The following QRICH1 variants were observed in gnomAD, a reference collection of about 807,000 sequenced individuals.
QRICH1 encodes glutamine rich 1, also known as transcriptional regulator QRICH1.
Under a neutral mutation model 87.1 loss-of-function variants are expected in QRICH1, and 16 were observed. The observed-to-expected ratio is 0.18, with a 90% CI of 0.12 to 0.28. QRICH1 has a LOEUF of 0.28. QRICH1 is among the 10% of genes least tolerant of loss of function. The probability of loss-of-function intolerance (pLI) is 1.00; values close to 1 mark genes in which losing one functional copy is unlikely to be tolerated. For synonymous variants in QRICH1, 367 were observed against 368.4 expected, an observed-to-expected ratio of 1.00 and a Z score of 0.05; for missense variants, 647 against 951.7, an observed-to-expected ratio of 0.68 and a Z score of 4.21.
At chr3:49,081,697 T>C (rs766014600) in intron 1 of QRICH1, among the ~76,000 whole-genome samples, 1 of 152,154 alleles carries the variant, frequency 6.6e-6, no homozygotes. Flanking sequence ...GACAGGGTTT[T>C]GCCATGTTGC....
intron 2 of QRICH1, among the ~76,000 whole-genome samples, chr3:49,061,120 G>A (rs1008049941): frequency 8.6e-6 from 1 of 116,034 alleles, no homozygotes; most frequent in Admixed American, 1.2e-4. Context: ...GGGTGACAGA[G>A]TGAGCCTCCA....
rs145294678 is a variant in QRICH1, at chr3:49,047,248, T to G, written c.1339-2A>C. Reference sequence around the variant, plus strand: ...TTCAGCAACCTGGACAGTTTGAGCCTATAGGAGAGAAACCATGAAAATGTG... The same window carrying G: ...TTCAGCAACCTGGACAGTTTGAGCCGATAGGAGAGAAACCATGAAAATGTG... On this transcript the variant is annotated splice_acceptor_variant, in intron 3 of 9. Transcript: ENST00000395443. LOFTEE classifies it high-confidence loss of function. 6.2e-7 allele frequency: 1 copy of G among 1,602,184 alleles called. No individual in the cohort carries two copies. The highest frequency in any genetic ancestry group is 2.2e-5 in the East Asian group (1 of 44,678).
intron 1 of QRICH1, among the ~76,000 whole-genome samples, chr3:49,084,518 T>C (rs1023755358): frequency 6.6e-6 from 1 of 152,096 alleles, no homozygotes; most frequent in Non-Finnish European, 1.5e-5. Flanking sequence ...TCTCCCAAAG[T>C]GCTAGGATTA....
intron 2 of QRICH1, 189 bp from the exon 3 acceptor site, chr3:49,058,079 T>C (rs2093413642): frequency 2.0e-6 from 2 of 985,246 alleles, no homozygotes; most frequent in South Asian, 1.7e-5. Flanking sequence ...CACATTACAA[T>C]AACAGGGACA....
At chr3:49,069,542 A>ATT (rs1207477854) in intron 2 of QRICH1, among the ~76,000 whole-genome samples, 25 of 109,314 alleles carry the variant, frequency 2.3e-4, no homozygotes, top group Non-Finnish European at 3.8e-4. Flanking sequence ...CATGGGGGGG[A>ATT]ATTTTTTTTT....
chr3:49,054,405 C>T (rs1293589067), intron 3 of QRICH1, among the ~76,000 whole-genome samples: 1 of 152,176 alleles, frequency 6.6e-6, no homozygotes. Context: ...TACCACAAAT[C>T]TAGGAAATTC....
At chr3:49,042,425 T>C (rs1275059497) in intron 6 of QRICH1, among the ~76,000 whole-genome samples, 1 of 152,042 alleles carries the variant, frequency 6.6e-6, no homozygotes, top group Non-Finnish European at 1.5e-5. Context: ...CTTAAAGGCA[T>C]ATTGCTAAAT....
chr3:49,046,677 C>G (rs2093341240), intron 4 of QRICH1, 98 bp from the exon 5 acceptor site: 12 of 1,313,558 alleles, frequency 9.1e-6, no homozygotes, highest in Non-Finnish European at 1.3e-5. Flanking sequence ...GATAGAAATG[C>G]TCACTTGTAT....
rs1214489329 is a variant in QRICH1, at chr3:49,056,933, G to T, written c.1267C>A (p.Gln423Lys). ...VHIWDPQQQP[Q>K]QQTPQEQTPP... ...GTCTGTTCCTGGGGAGTTTGCTGCT[G>T]CGGCTGCTGTTGGGGGTCCCATATA... The change falls in exon 3 of 10, where the codon CAG becomes AAG. Residue 423 changes from glutamine to lysine, a missense_variant. Gln to Lys is a moderately conservative substitution (Grantham distance 53). Around this residue, in one of 7 missense-constraint regions of QRICH1, gnomAD observed 115 missense variants for 126.8 expected, o/e 0.91. Coordinates refer to ENST00000395443, the MANE Select transcript of QRICH1 (RefSeq NM_198880.3). The T allele has an allele frequency of 1.2e-6, 2 of 1,614,060 alleles. No homozygotes were observed.
chr3:49,057,303 C>T lies in QRICH1; in HGVS notation c.897G>A (p.Gly299=). The change falls in exon 3 of 10, where the codon GGG becomes GGA. Residue 299 remains glycine (G), a synonymous_variant. Transcript: ENST00000395443. The surrounding 1 kb of genome is among the most constrained non-coding windows in gnomAD (Gnocchi z 5.4). The part of the protein sequence containing the change: ...VDSAHLYSAT[G]TITSPTGETW... Reference sequence around the variant, plus strand: ...TTTCTCCTGTAGGGCTAGTAATGGTCCCAGTGGCACTGTACAGGTGGGCAC... The same window carrying T: ...TTTCTCCTGTAGGGCTAGTAATGGTTCCAGTGGCACTGTACAGGTGGGCAC... 1 of 1,614,178 alleles carries T rather than the reference C, an allele frequency of 6.2e-7. No individual in the cohort carries two copies. The highest frequency in any genetic ancestry group is 1.3e-5 in the African/African-American group (1 of 75,056).
intron 2 of QRICH1, among the ~76,000 whole-genome samples, chr3:49,072,999 G>C (rs2041872576): frequency 6.6e-6 from 1 of 151,782 alleles, no homozygotes; most frequent in South Asian, 2.1e-4. Flanking sequence ...CCATGATCAT[G>C]TCACAGCACT....
intron 1 of QRICH1, among the ~76,000 whole-genome samples, chr3:49,087,818 C>CAAAAAAGAAAA (rs2042195618): frequency 2.1e-5 from 1 of 47,676 alleles, no homozygotes; most frequent in Non-Finnish European, 3.4e-5. Context: ...AGGTTCATCT[C>CAAAAAAGAAAA]AAAAAAAAAA....
Position 49,057,398 on chromosome 3 carries a change from C to G in QRICH1, c.802G>C (p.Val268Leu). Residue 268 changes from valine to leucine, a missense_variant, in exon 3 of 10, where the codon GTG (valine) becomes CTG (leucine). By Grantham distance (32) the Val-to-Leu change is conservative. Around this residue, in one of 7 missense-constraint regions of QRICH1, gnomAD observed 75 missense variants for 141.0 expected, o/e 0.53. Transcript: ENST00000395443. This position sits in a 1 kb window ranked among gnomAD's most constrained non-coding sequence, Gnocchi z 5.4. ...TGCTGGCCCTGTGGAATGGCCAGCA[C>G]GGTGGCCACCGGCTGCCCTGAGATG... The part of the protein sequence containing the change: ...YAISGQPVAT[V>L]LAIPQGQQQS... 6.2e-7 allele frequency: 1 copy of G among 1,614,160 alleles called. No individual in the cohort carries two copies. The highest frequency in any genetic ancestry group is 8.5e-7 in the Non-Finnish European group (1 of 1,180,032).
intron 9 of QRICH1, among the ~76,000 whole-genome samples, chr3:49,030,979 C>T (rs1398405499): frequency 1.3e-5 from 2 of 151,258 alleles, no homozygotes; most frequent in Non-Finnish European, 2.9e-5. Flanking sequence ...CGTCTATCTC[C>T]AAGTCTTTGC....
intron 1 of QRICH1, among the ~76,000 whole-genome samples, chr3:49,087,876 T>C (rs1215579115): frequency 7.1e-6 from 1 of 141,568 alleles, no homozygotes; most frequent in Non-Finnish European, 1.5e-5. Flanking sequence ...AATAACTCCA[T>C]ATGTTTATAA....
chr3:49,053,486 C>CAAAAAAAA (rs11417565), intron 3 of QRICH1, among the ~76,000 whole-genome samples: 3 of 112,916 alleles, frequency 2.7e-5, no homozygotes, highest in Non-Finnish European at 5.3e-5. Context: ...CCCCCTGTCT[C>CAAAAAAAA]AAAAAAAAAA....
At chr3:49,053,757 A>G (rs1276083940) in intron 3 of QRICH1, among the ~76,000 whole-genome samples, 1 of 152,198 alleles carries the variant, frequency 6.6e-6, no homozygotes, top group African/African-American at 2.4e-5. Context: ...AGATTTCACC[A>G]TAAATCTGGT....
chr3:49,054,071 C>T (rs1440613864), intron 3 of QRICH1, among the ~76,000 whole-genome samples: 1 of 152,114 alleles, frequency 6.6e-6, no homozygotes, highest in Non-Finnish European at 1.5e-5. Flanking sequence ...TTTTCTATTT[C>T]TGGTAATAAT....
intron 2 of QRICH1, among the ~76,000 whole-genome samples, chr3:49,067,929 C>T (rs1365803705): frequency 3.3e-5 from 5 of 149,974 alleles, no homozygotes; most frequent in South Asian, 2.1e-4. Flanking sequence ...CCAGCCCAGG[C>T]GATAGAGCGA....
Sources: gnomAD v4.1 joint callset for allele counts (sites outside exome capture counted in the v4.1 genomes callset) on GRCh38, gnomAD v4.1.1 for gene constraint, gnomAD v4.1.1 regional missense constraint, Gnocchi (gnomAD v3.1) non-coding constraint, MANE v1.5 for transcripts, NCBI Gene and HGNC (gene_info 2026-07-23, HGNC 2026-07-21) for gene names.